NLRC5: variants seen among roughly 807,000 people sequenced by gnomAD.
The protein encoded by NLRC5 is NLR family CARD domain containing 5, also known as protein NLRC5.
Under a neutral mutation model 206.9 loss-of-function variants are expected in NLRC5, and 114 were observed. That is an observed-to-expected ratio of 0.55 (90% CI 0.47 to 0.64). The LOEUF is 0.64. Among genes scored for constraint, NLRC5 ranks in the 30% least tolerant of loss-of-function variants. NLRC5 has a pLI of 0.00. For synonymous variants in NLRC5, 952 were observed against 962.8 expected, an observed-to-expected ratio of 0.99 and a Z score of 0.21; for missense variants, 2,008 against 2,305.5, an observed-to-expected ratio of 0.87 and a Z score of 2.64.
In NLRC5 at chr16:57,082,535, C is replaced by A. The variant is rs775496183; in HGVS notation, c.*7C>A. On this transcript the variant is annotated 3_prime_UTR_variant, in exon 49 of 49. Coordinates refer to ENST00000688547, the MANE Select transcript of NLRC5 (RefSeq NM_001384950.1). ...GGCCCCTTGGGGTACTTGATGGCCC[C>A]CTCAAGACCTTTGGAATCCAGCCAA... The A allele has an allele frequency of 6.3e-7, 1 of 1,596,744 alleles. No homozygotes were observed. The highest frequency in any genetic ancestry group is 8.6e-7 in the Non-Finnish European group (1 of 1,165,590).
chr16:56,993,106 T>TAC (rs1475689031), intron 1 of NLRC5, among the ~76,000 whole-genome samples: 2 of 146,206 alleles, frequency 1.4e-5, no homozygotes, highest in African/African-American at 5.0e-5. Context: ...CATATATATA[T>TAC]ACACGTATAT....
chr16:57,028,266 C>T, intron 7 of NLRC5, 36 bp from the exon 8 acceptor site: 6 of 1,602,548 alleles, frequency 3.7e-6, no homozygotes, highest in Non-Finnish European at 5.1e-6. Context: ...CTTTTCCCCT[C>T]CTCGTTCCTC....
chr16:57,027,146 A>C (rs2061339972), intron 6 of NLRC5, 128 bp downstream of exon 6: 1 of 1,122,192 alleles, frequency 8.9e-7, no homozygotes, highest in African/African-American at 1.6e-5. Flanking sequence ...AATGGCCTGC[A>C]ATGCAAGAGA....
chr16:57,056,018 G>C (rs2065613076), intron 27 of NLRC5, among the ~76,000 whole-genome samples: 1 of 152,306 alleles, frequency 6.6e-6, no homozygotes, highest in East Asian at 1.9e-4. Context: ...TTTCTCCACT[G>C]TTCTAAGTGC....
At chr16:57,001,126 G>A (rs891829909) in intron 1 of NLRC5, among the ~76,000 whole-genome samples, 1 of 152,210 alleles carries the variant, frequency 6.6e-6, no homozygotes, top group Non-Finnish European at 1.5e-5. Flanking sequence ...TGTCCCCCTG[G>A]TAGGGCTTGG....
chr16:57,067,467 T>C lies in NLRC5; in HGVS notation c.4403T>C (p.Leu1468Pro). 6.2e-7 allele frequency: 1 copy of C among 1,614,176 alleles called. No homozygotes were observed. The change falls in exon 35 of 49, where the codon CTC becomes CCC. Residue 1468 changes from leucine (L) to proline (P), a missense_variant. Coordinates refer to ENST00000688547, the MANE Select transcript of NLRC5 (RefSeq NM_001384950.1). ...LMETCARLQQ[L>P]SLSQVNLCED... ...GAGACATGTGCCAGGCTGCAGCAGC[T>C]CAGGTCAGCGCCTGGAAACTCTGTG...
intron 1 of NLRC5, among the ~76,000 whole-genome samples, chr16:57,010,906 A>ATTTT (rs1445281842): frequency 0.011 from 1,511 of 141,316 alleles, 26 homozygotes; most frequent in African/African-American, 0.03. Flanking sequence ...CTTTTTTTAA[A>ATTTT]AAAAAATCAA....
At chr16:57,009,541 T>A (rs1177177759) in intron 1 of NLRC5, among the ~76,000 whole-genome samples, 1 of 150,606 alleles carries the variant, frequency 6.6e-6, no homozygotes, top group East Asian at 2.0e-4. Flanking sequence ...TGCAGTGAGC[T>A]GAGATCACGC....
chr16:57,045,424 C>T (rs371132065), intron 20 of NLRC5, 24 bp from the exon 21 acceptor site: 61 of 1,613,960 alleles, frequency 3.8e-5, no homozygotes, highest in Non-Finnish European at 5.1e-5. Flanking sequence ...CATTTTCAAA[C>T]TGCTGCTTCC....
intron 6 of NLRC5, 67 bp from the exon 7 acceptor site, chr16:57,028,005 G>A: frequency 9.5e-7 from 1 of 1,047,642 alleles, no homozygotes; most frequent in Non-Finnish European, 1.4e-6. Context: ...CTCTCTGAGG[G>A]GATGGCGATG....
Position 57,072,267 on chromosome 16 carries a change from C to G in NLRC5, c.4667+1649C>G, listed in dbSNP as rs375490376. Among the ~76,000 whole-genome samples the G allele has an allele frequency of 1.8e-4, 28 of 152,312 alleles. No individual in the cohort carries two copies. The East Asian group carries it at 4.8e-3, about 26-fold the overall frequency. ...AGCTTAGTGGAAAGGGAGTACCATTCTCTCTGTGGTTACAACAAAAGGTCC... is the reference window on the plus strand; with the variant it reads ...AGCTTAGTGGAAAGGGAGTACCATTGTCTCTGTGGTTACAACAAAAGGTCC... On this transcript the variant is annotated intron_variant, in intron 38 of 48. Transcript: ENST00000688547.
rs368427708 is a variant in NLRC5 at position 57,058,103 on chromosome 16, G to A, written c.3785G>A (p.Cys1262Tyr). 20 of 1,612,494 alleles carry A rather than the reference G, an allele frequency of 1.2e-5. No individual in the cohort carries two copies. The highest frequency in any genetic ancestry group is 1.4e-5 in the Non-Finnish European group (17 of 1,179,296). Reference protein sequence around the residue: ...ANLLGDSGLRCLLECLPQVPI... With the variant: ...ANLLGDSGLRYLLECLPQVPI... ...CTGCTGGGCGACAGCGGACTCAGAT[G>A]CCTTCTGGAATGTCTGCCGCAGGTG... The change falls in exon 28 of 49, where the codon TGC becomes TAC. Residue 1262 changes from cysteine (C) to tyrosine (Y), a missense_variant. Cys to Tyr is a radical substitution (Grantham distance 194). Transcript: ENST00000688547.
chr16:57,074,746 C>T (rs1231378363), intron 39 of NLRC5, 63 bp downstream of exon 39: 17 of 1,501,870 alleles, frequency 1.1e-5, no homozygotes, highest in Non-Finnish European at 1.6e-5. Flanking sequence ...CAGTTGGGAC[C>T]ACATCCAGGG....
intron 20 of NLRC5, among the ~76,000 whole-genome samples, chr16:57,044,115 A>G (rs1317341306): frequency 6.7e-6 from 1 of 149,514 alleles, no homozygotes; most frequent in South Asian, 2.1e-4. Flanking sequence ...CCTGGCCAAC[A>G]GGGTGAAACC....
intron 2 of NLRC5, among the ~76,000 whole-genome samples, chr16:57,017,656 G>C (rs1485113014): frequency 6.6e-6 from 1 of 152,072 alleles, no homozygotes; most frequent in Non-Finnish European, 1.5e-5. Context: ...CAATATTTCT[G>C]GTCCCTGGAG....
At chr16:57,076,597 C>T (rs1422226615) in intron 39 of NLRC5, among the ~76,000 whole-genome samples, 1 of 152,240 alleles carries the variant, frequency 6.6e-6, no homozygotes, top group African/African-American at 2.4e-5. Context: ...TCTGGCCAGT[C>T]ACAGCTCACT....
intron 1 of NLRC5, among the ~76,000 whole-genome samples, chr16:56,996,387 C>T (rs1187100720): frequency 1.3e-5 from 2 of 152,140 alleles, no homozygotes; most frequent in Admixed American, 6.6e-5. Context: ...GGTCTCATTA[C>T]GTTGCCCAGG....
At chr16:57,002,398 T>C (rs1240442415) in intron 1 of NLRC5, among the ~76,000 whole-genome samples, 1 of 152,202 alleles carries the variant, frequency 6.6e-6, no homozygotes, top group Non-Finnish European at 1.5e-5. Context: ...TCCACCTGCC[T>C]CAGCCTCCCA....
chr16:57,067,167 G>A (rs1194004009), intron 34 of NLRC5, among the ~76,000 whole-genome samples: 2 of 152,156 alleles, frequency 1.3e-5, no homozygotes, highest in Admixed American at 1.3e-4. Flanking sequence ...TCACCTCCTC[G>A]GCTGTGTGTC....
Sources: gnomAD v4.1 joint callset for allele counts (sites outside exome capture counted in the v4.1 genomes callset) on GRCh38, gnomAD v4.1.1 for gene constraint, MANE v1.5 for transcripts, NCBI Gene and HGNC (gene_info 2026-07-23, HGNC 2026-07-21) for gene names.